The following PTPRD variants were observed in gnomAD, a reference collection of about 807,000 sequenced individuals.
PTPRD encodes the protein protein tyrosine phosphatase receptor type D.
PTPRD carries 34 observed loss-of-function variants against 214.5 expected under a neutral mutation model. The observed-to-expected ratio is 0.16, with a 90% CI of 0.12 to 0.21. The LOEUF is 0.21. PTPRD is among the 10% of genes least tolerant of loss of function. The probability of loss-of-function intolerance (pLI) is 1.00; values close to 1 mark genes in which losing one functional copy is unlikely to be tolerated. For synonymous variants in PTPRD, 1,128 were observed against 845.7 expected, an observed-to-expected ratio of 1.33 and a Z score of -5.79; for missense variants, 2,545 against 2,398.7, an observed-to-expected ratio of 1.06 and a Z score of -1.27.
chr9:10,110,968 T>C (rs1202312356), intron 3 of PTPRD, among the ~76,000 whole-genome samples: 1 of 152,174 alleles, frequency 6.6e-6, no homozygotes, highest in Non-Finnish European at 1.5e-5. Flanking sequence ...TGTATGAGGA[T>C]TTTTGATTTG....
At chr9:8,774,083 A>G (rs1025970362) in intron 11 of PTPRD, among the ~76,000 whole-genome samples, 3 of 152,142 alleles carry the variant, frequency 2.0e-5, no homozygotes, top group Non-Finnish European at 4.4e-5. Flanking sequence ...ATTTATGTAA[A>G]TATCTATTTC....
chr9:8,362,799 G>A (rs903352925), intron 39 of PTPRD, among the ~76,000 whole-genome samples: 6 of 152,198 alleles, frequency 3.9e-5, no homozygotes, highest in African/African-American at 1.4e-4. Flanking sequence ...TATAACTTCA[G>A]TCAAGTGAGT....
Position 10,112,297 on chromosome 9 carries a change from C to A in PTPRD, c.-544-78507G>T, listed in dbSNP as rs536113600. Among the ~76,000 whole-genome samples the A allele has an allele frequency of 1.1e-3, 164 of 152,300 alleles. 1 individual carries two copies. Among genetic ancestry groups the A allele is most frequent in the Admixed American group, 5.0e-3 (77 of 15,296 alleles). On this transcript the variant is annotated intron_variant, in intron 3 of 45. Coordinates refer to ENST00000381196, the MANE Select transcript of PTPRD (RefSeq NM_002839.4). ...ATGTGGTTGGCATAGCAGCCTAATT[C>A]TTATTATCTTATCCATGGAGTTAAT...
intron 9 of PTPRD, among the ~76,000 whole-genome samples, chr9:9,289,255 G>C (rs915710565): frequency 1.4e-4 from 21 of 151,800 alleles, no homozygotes; most frequent in African/African-American, 5.1e-4. Context: ...AGTGATACAT[G>C]TGCATGCTAA....
At chr9:9,172,677 C>G (rs1265539508) in intron 10 of PTPRD, among the ~76,000 whole-genome samples, 2 of 152,096 alleles carry the variant, frequency 1.3e-5, no homozygotes, top group Non-Finnish European at 2.9e-5. Context: ...TTTTTCTAGT[C>G]TGTGTCATTC....
chr9:8,741,556 TC>T, intron 11 of PTPRD, among the ~76,000 whole-genome samples: 1 of 144,940 alleles, frequency 6.9e-6, no homozygotes. Flanking sequence ...TATTTTAATC[TC>T]AGGCATTTCT....
chr9:9,400,987 T>C (rs2070184689), intron 8 of PTPRD, among the ~76,000 whole-genome samples: 1 of 152,030 alleles, frequency 6.6e-6, no homozygotes, highest in East Asian at 1.9e-4. Context: ...AAGTTGGATA[T>C]TGTCCCAATA....
intron 2 of PTPRD, among the ~76,000 whole-genome samples, chr9:10,352,314 G>T (rs773119165): frequency 2.0e-4 from 30 of 151,938 alleles, no homozygotes; most frequent in Non-Finnish European, 4.0e-4. Context: ...TTCATCGCTA[G>T]AAGTACTTGA....
At chr9:9,229,252 C>T (rs2099961546) in intron 9 of PTPRD, among the ~76,000 whole-genome samples, 1 of 151,958 alleles carries the variant, frequency 6.6e-6, no homozygotes, top group African/African-American at 2.4e-5. Context: ...TTGGAAAAAG[C>T]AGAGTAATAG....
At chr9:9,104,245 T>C (rs1290056739) in intron 10 of PTPRD, among the ~76,000 whole-genome samples, 1 of 152,150 alleles carries the variant, frequency 6.6e-6, no homozygotes, top group East Asian at 1.9e-4. Context: ...TGTGTTCCAA[T>C]AAAACTTCGT....
At chr9:9,998,071 A>G (rs1431556296) in intron 4 of PTPRD, among the ~76,000 whole-genome samples, 4 of 149,088 alleles carry the variant, frequency 2.7e-5, no homozygotes, top group Non-Finnish European at 5.9e-5. Context: ...CTTGGAACAC[A>G]AACCTGCACG....
intron 31 of PTPRD, among the ~76,000 whole-genome samples, chr9:8,467,132 C>T (rs559509445): frequency 6.5e-4 from 99 of 151,764 alleles, no homozygotes; most frequent in Admixed American, 3.6e-3. Flanking sequence ...TTATAACGTG[C>T]TAAAATTTTC....
At chr9:9,472,903 A>G (rs2094726089) in intron 8 of PTPRD, among the ~76,000 whole-genome samples, 1 of 152,216 alleles carries the variant, frequency 6.6e-6, no homozygotes, top group African/African-American at 2.4e-5. Flanking sequence ...TTACATGTAT[A>G]CAAGGTGTAA....
chr9:9,676,008 C>A (rs2096921622), intron 7 of PTPRD, among the ~76,000 whole-genome samples: 1 of 151,982 alleles, frequency 6.6e-6, no homozygotes, highest in African/African-American at 2.4e-5. Context: ...TTCTGTAGCA[C>A]TAAAAAAATA....
chr9:9,411,523 A>T (rs186909414), intron 8 of PTPRD, among the ~76,000 whole-genome samples: 32 of 152,324 alleles, frequency 2.1e-4, no homozygotes, highest in African/African-American at 7.0e-4. Context: ...ATGTAATACA[A>T]TGCCACTTAC....
intron 3 of PTPRD, among the ~76,000 whole-genome samples, chr9:10,234,300 T>C (rs751746329): frequency 6.6e-6 from 1 of 151,876 alleles, no homozygotes; most frequent in East Asian, 1.9e-4. Flanking sequence ...TGTTTTTAAA[T>C]AGACCTATTA....
intron 2 of PTPRD, among the ~76,000 whole-genome samples, chr9:10,502,556 A>G (rs1410243105): frequency 6.6e-6 from 1 of 152,080 alleles, no homozygotes; most frequent in Admixed American, 6.5e-5. Flanking sequence ...GCCAGCTTTA[A>G]TATTTTTTTG....
intron 11 of PTPRD, among the ~76,000 whole-genome samples, chr9:8,761,008 T>A (rs1199780269): frequency 6.6e-6 from 1 of 152,168 alleles, no homozygotes; most frequent in East Asian, 1.9e-4. Flanking sequence ...CTTTTTTCAC[T>A]AAAAGGTTTA....
At chr9:10,293,138 G>T (rs1334246298) in intron 3 of PTPRD, among the ~76,000 whole-genome samples, 6 of 151,860 alleles carry the variant, frequency 4.0e-5, no homozygotes, top group Non-Finnish European at 8.8e-5. Flanking sequence ...GGCTAATACA[G>T]AATTTCATTC....
Sources: gnomAD v4.1 joint callset for allele counts (sites outside exome capture counted in the v4.1 genomes callset) on GRCh38, gnomAD v4.1.1 for gene constraint, MANE v1.5 for transcripts, NCBI Gene and HGNC (gene_info 2026-07-23, HGNC 2026-07-21) for gene names.